Variants in FBRS observed in about 807,000 individuals in gnomAD.
FBRS encodes the protein probable fibrosin-1.
FBRS carries 15 observed loss-of-function variants against 86.1 expected under a neutral mutation model. The observed-to-expected ratio is 0.17, with a 90% CI of 0.12 to 0.27. The LOEUF (loss-of-function observed/expected upper bound fraction) is 0.27, where lower values mean the gene tolerates loss of function less well. Ranked by LOEUF, FBRS falls within the 10% of genes least tolerant of loss-of-function variation. FBRS has a pLI of 1.00. For synonymous variants in FBRS, 666 were observed against 575.8 expected (o/e 1.16, Z -2.24); for missense variants, 1,367 against 1,301.6 (o/e 1.05, Z -0.77).
chr16:30,668,268 G>T, intron 15 of FBRS: 1 of 404,854 alleles, frequency 2.5e-6, no homozygotes, highest in South Asian at 5.0e-5. Context: ...GGTTGGTACC[G>T]CTCCCTGGCT....
At chr16:30,662,353 T>C (rs1400915202) in intron 4 of FBRS, 67 bp from the exon 5 acceptor site, 1 of 1,547,800 alleles carries the variant, frequency 6.5e-7, no homozygotes, top group Non-Finnish European at 8.7e-7. Context: ...CAGAGGCTAT[T>C]TGGCCTTCCT....
chr16:30,668,668 G>A (rs1466611219), intron 16 of FBRS, 25 bp downstream of exon 16: 3 of 1,587,092 alleles, frequency 1.9e-6, no homozygotes, highest in Non-Finnish European at 2.6e-6. Flanking sequence ...GGTGGGGTGG[G>A]GGGGCTGCGG....
intron 4 of FBRS, chr16:30,661,859 C>G (rs1392318348): frequency 5.5e-6 from 1 of 180,830 alleles, no homozygotes; most frequent in Admixed American, 5.5e-5. Flanking sequence ...ACTCAATTTG[C>G]ACTCCCTGAT....
chr16:30,668,987 T>TCCCCCCCC lies in FBRS; in HGVS notation c.2366+11_2366+12insCCCCCCCC. 6.8e-7 allele frequency: 1 copy of TCCCCCCCC among 1,481,132 alleles called. No individual in the cohort carries two copies. Among genetic ancestry groups the TCCCCCCCC allele is most frequent in the Non-Finnish European group, 9.2e-7 (1 of 1,088,974 alleles). 91.7% of individuals were successfully genotyped at this position (1,481,132 alleles called of 1,614,324 possible). A position where few individuals can be genotyped will look rare whatever the true frequency, so the allele number is the denominator to read the frequency against. On this transcript the variant is annotated intron_variant, in intron 17 of 17. Transcript: ENST00000356166. ...CAAGGAGGAGAAGGACAGGTGTGCC[T>TCCCCCCCC]CCCACCCACCCTGCCCCTGCCCCAC... is the stretch of plus-strand genomic sequence containing the variant.
rs749559052 is a variant in FBRS, at chr16:30,669,436, G to A, written c.2734G>A (p.Ala912Thr). The part of the protein sequence containing the change: ...EELTGPGAVA[A>T]ARLYGLEPAH... ...GCTAACTGGACCCGGGGCCGTGGCC[G>A]CTGCCCGCCTCTACGGTCTGGAACC... is the stretch of plus-strand genomic sequence containing the variant. Residue 912 changes from alanine to threonine, a missense_variant, in exon 18 of 18, where the codon GCT (alanine) becomes ACT (threonine). This residue lies in a region of FBRS where 659 missense variants were observed against 678.8 expected (regional missense o/e 0.97). Transcript: ENST00000356166. The surrounding 1 kb of genome is among the most constrained non-coding windows in gnomAD (Gnocchi z 5.9). 31 of 1,612,676 alleles carry A rather than the reference G, an allele frequency of 1.9e-5. No homozygotes were observed. Among genetic ancestry groups the A allele is most frequent in the East Asian group, 2.2e-5 (1 of 44,882 alleles).
intron 1 of FBRS, 39 bp downstream of exon 1, chr16:30,660,016 G>A: frequency 6.5e-7 from 1 of 1,539,992 alleles, no homozygotes; most frequent in Non-Finnish European, 8.8e-7. Flanking sequence ...GGGGGTTTCC[G>A]AGGGGCAGCA....
chr16:30,663,401 T>C (rs147373899), intron 6 of FBRS, among the ~76,000 whole-genome samples: 2 of 152,332 alleles, frequency 1.3e-5, no homozygotes, highest in Admixed American at 1.3e-4. Flanking sequence ...TTTCAGGTCT[T>C]ACGTGAGTAA....
At position 30,665,246 on chromosome 16, in the gene FBRS, C is replaced by T; in HGVS notation, c.1609-60C>T. On this transcript the variant is annotated intron_variant, in intron 9 of 17. Coordinates refer to ENST00000356166, the MANE Select transcript of FBRS (RefSeq NM_001105079.3). This position sits in a 1 kb window ranked among gnomAD's most constrained non-coding sequence, Gnocchi z 4.1. ...GGGTGGAGGCCCGTGGACTGACGGG[C>T]AGGCTGGACTTGGGCTGCGCCTCCA... is the stretch of plus-strand genomic sequence containing the variant. 2 of 1,531,684 alleles carry T rather than the reference C, an allele frequency of 1.3e-6. No individual in the cohort carries two copies. Among genetic ancestry groups the T allele is most frequent in the Non-Finnish European group, 1.8e-6 (2 of 1,131,318 alleles). 94.9% of individuals were successfully genotyped at this position (1,531,684 alleles called of 1,614,324 possible). A position where few individuals can be genotyped will look rare whatever the true frequency, so the allele number is the denominator to read the frequency against.
chr16:30,664,799 C>T lies in FBRS; in HGVS notation c.1442C>T (p.Ala481Val). ...GAGGTGGTGGGGGCAGGGGGCTCGG[C>T]CCGGCCCCTGGCCTTCCAGTTCCAC... ...GPEVVGAGGS[A>V]RPLAFQFHQH... is the part of the protein sequence containing the mutation. The change falls in exon 8 of 18, where the codon GCC (alanine) becomes GTC (valine). Residue 481 changes from alanine to valine, a missense_variant. Around this residue, in one of 3 missense-constraint regions of FBRS, gnomAD observed 702 missense variants for 598.7 expected, o/e 1.17. Transcript: ENST00000356166. 3 of 1,555,356 alleles carry T rather than the reference C, an allele frequency of 1.9e-6. No homozygotes were observed. The highest frequency in any genetic ancestry group is 2.6e-6 in the Non-Finnish European group (3 of 1,149,068).
chr16:30,669,411 G>A lies in FBRS; in HGVS notation c.2709G>A (p.Glu903=), dbSNP rs753562054. Residue 903 remains glutamate (E), a synonymous_variant, in exon 18 of 18, where the codon GAG becomes GAA. Coordinates refer to ENST00000356166, the MANE Select transcript of FBRS (RefSeq NM_001105079.3). This position sits in a 1 kb window ranked among gnomAD's most constrained non-coding sequence, Gnocchi z 5.9. Reference sequence around the variant, plus strand: ...CCCGCTTCTATGAGGCGGGTGAGGAGCTAACTGGACCCGGGGCCGTGGCCG... The same window carrying A: ...CCCGCTTCTATGAGGCGGGTGAGGAACTAACTGGACCCGGGGCCGTGGCCG... ...RPPRFYEAGE[E]LTGPGAVAAA... The A allele has an allele frequency of 1.2e-6, 2 of 1,612,790 alleles. No homozygotes were observed. The highest frequency in any genetic ancestry group is 1.3e-5 in the African/African-American group (1 of 75,042).
At position 30,670,444 on chromosome 16, in the gene FBRS, A is replaced by G. The variant is rs1276408365; in HGVS notation, c.*799A>G. 2 of 349,214 alleles carry G rather than the reference A, an allele frequency of 5.7e-6. No individual in the cohort carries two copies. The highest frequency in any genetic ancestry group is 8.1e-5 in the East Asian group (1 of 12,336). The allele number at this position is 349,214 out of a possible 1,614,324, so 21.6% of individuals were successfully genotyped here. On this transcript the variant is annotated 3_prime_UTR_variant, in exon 18 of 18. Coordinates refer to ENST00000356166, the MANE Select transcript of FBRS (RefSeq NM_001105079.3). ...GCTCAGCCTCTAAATCTCAGACTCC[A>G]CCACCTCTTAATGGCTCAGTCCCCT...
chr16:30,667,869 T>C (rs1375086704), intron 15 of FBRS: 1 of 422,828 alleles, frequency 2.4e-6, no homozygotes, highest in Admixed American at 4.1e-5. Context: ...GCAGGGGCAG[T>C]ACGCCACCTG....
Position 30,664,832 on chromosome 16 carries a change from A to G in FBRS, c.1475A>G (p.Asn492Ser). The G allele has an allele frequency of 6.4e-7, 1 of 1,570,028 alleles. No homozygotes were observed. Among genetic ancestry groups the G allele is most frequent in the South Asian group, 1.2e-5 (1 of 86,122 alleles). ...CTGGCCTTCCAGTTCCACCAGCACAACCACCAGCACCAGCACACCCACCAG... is the reference window on the plus strand; with the variant it reads ...CTGGCCTTCCAGTTCCACCAGCACAGCCACCAGCACCAGCACACCCACCAG... ...RPLAFQFHQH[N>S]HQHQHTHQHT... The change falls in exon 8 of 18, where the codon AAC (asparagine) becomes AGC (serine). Residue 492 changes from asparagine to serine, a missense_variant. By Grantham distance (46) the Asn-to-Ser change is conservative. Coordinates refer to ENST00000356166, the MANE Select transcript of FBRS (RefSeq NM_001105079.3).
chr16:30,661,728 T>TAGTC (rs1287131302), intron 4 of FBRS, among the ~76,000 whole-genome samples: 1 of 152,184 alleles, frequency 6.6e-6, no homozygotes, highest in Non-Finnish European at 1.5e-5. Flanking sequence ...TAAATCATTG[T>TAGTC]AGTCAGTGTA....
At chr16:30,667,077 A>T in intron 13 of FBRS, 87 bp downstream of exon 13, 1 of 1,345,958 alleles carries the variant, frequency 7.4e-7, no homozygotes, top group Non-Finnish European at 1.0e-6. Context: ...AGAGCTCAGC[A>T]GAATCTTGGC....
chr16:30,665,807 C>T lies in FBRS; in HGVS notation c.1773+101C>T, dbSNP rs1318258332. The T allele has an allele frequency of 8.4e-7, 1 of 1,184,196 alleles. No individual in the cohort carries two copies. Among genetic ancestry groups the T allele is most frequent in the Non-Finnish European group, 1.2e-6 (1 of 828,184 alleles). 73.4% of individuals were successfully genotyped at this position (1,184,196 alleles called of 1,614,324 possible). On this transcript the variant is annotated intron_variant, in intron 11 of 17. Transcript: ENST00000356166. The surrounding 1 kb of genome is among the most constrained non-coding windows in gnomAD (Gnocchi z 4.1). ...GAACTGCTGATTCCTCCCTTGAATT[C>T]ACAATCGGGTGTTCCTGGGTGTCTA...
Position 30,668,930 on chromosome 16 carries a change from C to G in FBRS, c.2317C>G (p.Arg773Gly). Residue 773 changes from arginine (R) to glycine (G), a missense_variant, in exon 17 of 18, where the codon CGG becomes GGG. By Grantham distance (125) the Arg-to-Gly change is moderately radical. Coordinates refer to ENST00000356166, the MANE Select transcript of FBRS (RefSeq NM_001105079.3). ...CCGGACTCCAGGCTCAGACAAGGAGCGGCCTGTGGAGCGGAGGGAGCCCTC... is the reference window on the plus strand; with the variant it reads ...CCGGACTCCAGGCTCAGACAAGGAGGGGCCTGTGGAGCGGAGGGAGCCCTC... ...AARTPGSDKE[R>G]PVERREPSIT... is the part of the protein sequence containing the mutation. 1 of 1,590,726 alleles carries G rather than the reference C, an allele frequency of 6.3e-7. No individual in the cohort carries two copies. Among genetic ancestry groups the G allele is most frequent in the South Asian group, 1.1e-5 (1 of 87,938 alleles).
chr16:30,660,130 T>G, intron 1 of FBRS, 133 bp from the exon 2 acceptor site: 10 of 1,424,400 alleles, frequency 7.0e-6, no homozygotes, highest in Non-Finnish European at 9.2e-6. Context: ...CGCCCTGGGG[T>G]GGGAGGAGGT....
At chr16:30,668,495 C>T in intron 15 of FBRS, 65 bp from the exon 16 acceptor site, 2 of 1,458,486 alleles carry the variant, frequency 1.4e-6, no homozygotes, top group South Asian at 1.2e-5. Context: ...CTCTGCCCAG[C>T]CAGGCCTGGT....
Sources: allele counts gnomAD v4.1 joint callset (sites outside exome capture counted in the v4.1 genomes callset), GRCh38; gene constraint gnomAD v4.1.1; regional missense constraint gnomAD v4.1.1; non-coding constraint Gnocchi (gnomAD v3.1); transcripts MANE v1.5; gene names NCBI Gene and HGNC (gene_info 2026-07-23, HGNC 2026-07-21).